The following MAMLD1 variants were observed in gnomAD, a reference collection of about 807,000 sequenced individuals.
MAMLD1 encodes mastermind like domain containing 1, also known as mastermind-like domain-containing protein 1.
Under a neutral mutation model 45.0 loss-of-function variants are expected in MAMLD1, and 14 were observed. The observed-to-expected ratio is 0.31, with a 90% CI of 0.21 to 0.49. The LOEUF (loss-of-function observed/expected upper bound fraction) is 0.49, where lower values mean the gene tolerates loss of function less well. MAMLD1 is among the 20% of genes least tolerant of loss of function. The pLI is 0.99. For missense variants in MAMLD1, 543 were observed against 603.6 expected (o/e 0.90, Z 1.05); for synonymous variants, 254 against 247.8 (o/e 1.02, Z -0.24).
intron 2 of MAMLD1, among the ~76,000 whole-genome samples, chrX:150,458,964 C>T (rs1380815502): frequency 8.9e-6 from 1 of 112,181 alleles, no homozygotes; most frequent in Non-Finnish European, 1.9e-5. Flanking sequence ...TTTAATAATG[C>T]TGTATTGCAT....
In MAMLD1 at chrX:150,379,408, T is replaced by C. The variant is rs191665225; in HGVS notation, c.-64+15878T>C. On this transcript the variant is annotated intron_variant, in intron 1 of 7. Coordinates refer to ENST00000370401, the MANE Select transcript of MAMLD1 (RefSeq NM_005491.5). ...ATTTTTGTCTTTTCGTAAGAGTGAA[T>C]CCTTCAAGCACTGTTAAAAAGTTAC... Among the ~76,000 whole-genome samples, 3 of 112,038 alleles carry C rather than the reference T, an allele frequency of 2.7e-5. No homozygotes were observed. The East Asian group carries it at 8.4e-4, about 31-fold the overall frequency.
At chrX:150,404,225 G>T (rs142764387) in intron 1 of MAMLD1, among the ~76,000 whole-genome samples, 3,290 of 111,753 alleles carry the variant, frequency 0.029, 46 homozygotes, top group East Asian at 0.09. Flanking sequence ...AGGGTAAGGA[G>T]GCAAGGTCCA....
chrX:150,475,360 C>T (rs2148309334), intron 5 of MAMLD1, among the ~76,000 whole-genome samples: 1 of 111,743 alleles, frequency 8.9e-6, no homozygotes, highest in South Asian at 3.7e-4. Flanking sequence ...GGAACCACCG[C>T]ACCTGGTCTA....
chrX:150,483,043 C>T (rs1277690566), intron 5 of MAMLD1, among the ~76,000 whole-genome samples: 1 of 112,173 alleles, frequency 8.9e-6, no homozygotes, highest in Non-Finnish European at 1.9e-5. Context: ...CTCTGACTGG[C>T]TTTCTGTGCA....
chrX:150,400,157 G>GGA (rs1557402377), intron 1 of MAMLD1, among the ~76,000 whole-genome samples: 3 of 111,928 alleles, frequency 2.7e-5, no homozygotes, highest in African/African-American at 9.7e-5. Context: ...TGTGCAGAAT[G>GGA]GAAGTTCCCT....
In MAMLD1 at chrX:150,510,022, T is replaced by G; in HGVS notation, c.*20T>G. The G allele has an allele frequency of 8.3e-7, 1 of 1,203,165 alleles. No homozygotes were observed. Among genetic ancestry groups the G allele is most frequent in the Non-Finnish European group, 1.1e-6 (1 of 887,662 alleles). On this transcript the variant is annotated 3_prime_UTR_variant, in exon 7 of 8. Transcript: ENST00000370401. ...CCCTGAACGGCAGAATGCATATATC[T>G]CCCAACAGATGAGTCCATTTGAAGG...
intron 1 of MAMLD1, among the ~76,000 whole-genome samples, chrX:150,368,630 C>T (rs1384827622): frequency 1.8e-5 from 2 of 111,555 alleles, no homozygotes; most frequent in African/African-American, 6.5e-5. Flanking sequence ...ACATGAAGTC[C>T]TTGCCCATGC....
At chrX:150,461,529 G>T (rs2036038665) in intron 2 of MAMLD1, among the ~76,000 whole-genome samples, 1 of 111,843 alleles carries the variant, frequency 8.9e-6, no homozygotes, top group South Asian at 3.8e-4. Flanking sequence ...GAGCATTCTA[G>T]AAAAGGGGTG....
At chrX:150,361,828 C>T (rs1428951035), upstream of MAMLD1, 2 of 112,756 alleles carry the variant, frequency 1.8e-5, no homozygotes, top group African/African-American at 6.4e-5. Context: ...CGCGCTGGCC[C>T]GCCCGGCAGT....
chrX:150,508,449 C>T (rs56357708), intron 6 of MAMLD1, among the ~76,000 whole-genome samples: 14,572 of 109,824 alleles, frequency 0.13, 802 homozygotes, highest in Admixed American at 0.2. Context: ...ACTGCCCACA[C>T]GGCAGCTCCA....
At chrX:150,469,515 T>C (rs1330967013) in intron 3 of MAMLD1, among the ~76,000 whole-genome samples, 1 of 112,431 alleles carries the variant, frequency 8.9e-6, no homozygotes, top group Non-Finnish European at 1.9e-5. Context: ...TTTATAGTTT[T>C]CACAACTATA....
rs781975575 is a variant in MAMLD1 at position 150,470,715 on chromosome X, G to C, written c.1142G>C (p.Arg381Pro). The C allele has an allele frequency of 1.7e-6, 2 of 1,211,764 alleles. No homozygotes were observed. The highest frequency in any genetic ancestry group is 2.2e-6 in the Non-Finnish European group (2 of 895,480). ...SSNTLSGSTL[R>P]GSPNALLSSM... ...AATACCTTGTCGGGTAGCACTCTCC[G>C]AGGCTCTCCCAATGCCTTACTGTCA... Residue 381 changes from arginine to proline, a missense_variant, in exon 4 of 8, where the codon CGA (arginine) becomes CCA (proline). Coordinates refer to ENST00000370401, the MANE Select transcript of MAMLD1 (RefSeq NM_005491.5).
At chrX:150,408,241 C>T (rs2034043807) in intron 1 of MAMLD1, among the ~76,000 whole-genome samples, 3 of 110,514 alleles carry the variant, frequency 2.7e-5, no homozygotes, top group African/African-American at 6.6e-5. Flanking sequence ...GTGACTGGGG[C>T]GCCGCTCTTA....
chrX:150,389,852 T>G (rs1428374051), intron 1 of MAMLD1, among the ~76,000 whole-genome samples: 1 of 112,349 alleles, frequency 8.9e-6, no homozygotes, highest in Non-Finnish European at 1.9e-5. Context: ...TATGTTTTCC[T>G]AGTGCATTAT....
upstream of MAMLD1, among the ~76,000 whole-genome samples, chrX:150,361,935 G>A (rs1462428227): frequency 8.9e-6 from 1 of 112,985 alleles, no homozygotes; most frequent in Non-Finnish European, 1.9e-5. Context: ...GGAGCATCGC[G>A]TGCCCTGGTC....
rs782139833 is a variant in MAMLD1 at position 150,398,356 on chromosome X, G to A, written c.-64+34826G>A. Reference sequence around the variant, plus strand: ...AGAAGAAGAAGAGGAAGAGGAAGAGGAAGAGGAAGAGGAAGAGGAAGAAGA... The same window carrying A: ...AGAAGAAGAAGAGGAAGAGGAAGAGAAAGAGGAAGAGGAAGAGGAAGAAGA... On this transcript the variant is annotated intron_variant, in intron 1 of 7. Transcript: ENST00000370401. Among the ~76,000 whole-genome samples, 724 of 108,206 alleles carry A rather than the reference G, an allele frequency of 6.7e-3. 7 individuals carry two copies. The highest frequency in any genetic ancestry group is 0.033 in the Middle Eastern group (7 of 213). 94.0% of individuals were successfully genotyped at this position (108,206 alleles called of 115,157 possible).
chrX:150,509,830 A>C, intron 6 of MAMLD1, 132 bp from the exon 7 acceptor site: 1 of 545,682 alleles, frequency 1.8e-6, no homozygotes, highest in South Asian at 2.5e-5. Context: ...CATGCATGCG[A>C]GTGTATGCTG....
chrX:150,388,899 T>TA (rs1389543013), intron 1 of MAMLD1, among the ~76,000 whole-genome samples: 1 of 112,373 alleles, frequency 8.9e-6, no homozygotes, highest in Non-Finnish European at 1.9e-5. Flanking sequence ...AGTATAAGCT[T>TA]ACATGATTGA....
intron 1 of MAMLD1, among the ~76,000 whole-genome samples, chrX:150,370,282 G>A (rs1286341917): frequency 2.7e-5 from 3 of 111,546 alleles, no homozygotes; most frequent in Non-Finnish European, 5.6e-5. Flanking sequence ...GCATTGCAAA[G>A]CTCAATTGGA....
Sources: gnomAD v4.1 joint callset for allele counts (sites outside exome capture counted in the v4.1 genomes callset) on GRCh38, gnomAD v4.1.1 for gene constraint, MANE v1.5 for transcripts, NCBI Gene and HGNC (gene_info 2026-07-23, HGNC 2026-07-21) for gene names.